Variants in PSORS1C1 observed in about 807,000 individuals in gnomAD.
PSORS1C1 encodes psoriasis susceptibility 1 candidate gene 1 protein.
Under a neutral mutation model 9.4 loss-of-function variants are expected in PSORS1C1, and 7 were observed. The observed-to-expected ratio is 0.75, with a 90% CI of 0.42 to 1.40. PSORS1C1 has a LOEUF of 1.40. Among genes scored for constraint, PSORS1C1 ranks in the 40% most tolerant of loss-of-function variants. PSORS1C1 has a pLI of 0.01. For synonymous variants in PSORS1C1, 63 were observed against 69.4 expected (o/e 0.91, Z 0.46); for missense variants, 146 against 178.1 (o/e 0.82, Z 1.02).
At position 31,126,433 on chromosome 6, in the gene PSORS1C1, T is replaced by C. The variant is rs190485737; in HGVS notation, c.-65+594T>C. Among the ~76,000 whole-genome samples the C allele has an allele frequency of 2.6e-3, 400 of 152,300 alleles. 18 individuals are homozygous for C. In the East Asian group the frequency reaches 0.04, roughly 15 times the overall value. ...CGAGTTGCCCCTAGCTGAGAAGCCC[T>C]GTCCTGGGGCCTGTCCACACCATCC... On this transcript the variant is annotated intron_variant, in intron 2 of 5. Transcript: ENST00000259881.
rs561037129 is a variant in PSORS1C1, at chr6:31,131,845, G to A, written c.13+2200G>A. ...ACCAACAGTGCCCTATGGCACATGC[G>A]CAGTAGAAAGTAGTTGCAATAGTGT... is the stretch of plus-strand genomic sequence containing the variant. On this transcript the variant is annotated intron_variant, in intron 3 of 5. Coordinates refer to ENST00000259881, the MANE Select transcript of PSORS1C1 (RefSeq NM_014068.3). Among the ~76,000 whole-genome samples the A allele has an allele frequency of 4.1e-4, 63 of 152,338 alleles. 2 individuals are homozygous for A. In the South Asian group the frequency reaches 0.012, roughly 29 times the overall value.
In PSORS1C1 at chr6:31,139,900, C is replaced by T. The variant is rs1394878548; in HGVS notation, c.427C>T (p.His143Tyr). The change falls in exon 6 of 6, where the codon CAT becomes TAT. Residue 143 changes from histidine (H) to tyrosine (Y), a missense_variant. His to Tyr is a moderately conservative substitution (Grantham distance 83). Coordinates refer to ENST00000259881, the MANE Select transcript of PSORS1C1 (RefSeq NM_014068.3). This position sits in a 1 kb window ranked among gnomAD's most constrained non-coding sequence, Gnocchi z 5.2. ...PTLLYSSPPS[H>Y]SPFGLSSLI ...TCTATTGTACTCGTCTCCTCCCTCC[C>T]ATTCTCCTTTTGGTCTCAGCTCCTT... 1.2e-6 allele frequency: 2 copies of T among 1,612,960 alleles called. No individual in the cohort carries two copies. Among genetic ancestry groups the T allele is most frequent in the Admixed American group, 1.7e-5 (1 of 60,002 alleles).
intron 3 of PSORS1C1, among the ~76,000 whole-genome samples, chr6:31,130,852 T>C (rs1382286337): frequency 6.6e-6 from 1 of 151,032 alleles, no homozygotes; most frequent in Non-Finnish European, 1.5e-5. Context: ...CTGGCCCTTT[T>C]TTAATTTTAA....
At chr6:31,116,444 A>C (rs368649764) in intron 1 of PSORS1C1, 1 of 1,591,100 alleles carries the variant, frequency 6.3e-7, no homozygotes, top group African/African-American at 1.3e-5. Context: ...GAGGGAGAGC[A>C]GGGTCCCTTG....
intron 3 of PSORS1C1, among the ~76,000 whole-genome samples, chr6:31,133,912 A>G (rs1018880842): frequency 9.2e-5 from 14 of 152,282 alleles, no homozygotes; most frequent in Admixed American, 2.0e-4. Context: ...TACAATTCTT[A>G]TGTGTTCTCA....
rs1773372401 is a variant in PSORS1C1 at position 31,140,079 on chromosome 6, A to G, written c.*147A>G. ...GGTCCGCTACCCCACAGTAAGGAAC[A>G]CCTTATTATGCAATGGCGTGATCTC... On this transcript the variant is annotated 3_prime_UTR_variant, in exon 6 of 6. Transcript: ENST00000259881. The surrounding 1 kb of genome is among the most constrained non-coding windows in gnomAD (Gnocchi z 4.6). 2.7e-6 allele frequency: 2 copies of G among 735,146 alleles called. No individual in the cohort carries two copies. Among genetic ancestry groups the G allele is most frequent in the South Asian group, 3.5e-5 (2 of 57,830 alleles). The allele number at this position is 735,146 out of a possible 1,614,324, so 45.5% of individuals were successfully genotyped here.
chr6:31,120,401 G>T (rs1392348518), intron 1 of PSORS1C1: 2 of 1,590,976 alleles, frequency 1.3e-6, no homozygotes, highest in South Asian at 1.1e-5. Context: ...CCCATCCAGG[G>T]TGCCCGAGAC....
chr6:31,135,411 A>C (rs1296853804), intron 3 of PSORS1C1, among the ~76,000 whole-genome samples: 1 of 151,874 alleles, frequency 6.6e-6, no homozygotes, highest in Non-Finnish European at 1.5e-5. Context: ...GTAGAGACAG[A>C]GTTTCACCAT....
chr6:31,130,418 T>TC (rs1491480532), intron 3 of PSORS1C1, among the ~76,000 whole-genome samples: 1 of 8,854 alleles, frequency 1.1e-4, no homozygotes, highest in East Asian at 0.015. Context: ...TAATTGTTTG[T>TC]TTTTTTTTTT....
intron 1 of PSORS1C1, chr6:31,120,378 C>T: frequency 6.3e-7 from 1 of 1,594,116 alleles, no homozygotes. Flanking sequence ...TCATCCCGTG[C>T]CCACCCACAC....
At chr6:31,138,531 C>T (rs1353150326) in intron 4 of PSORS1C1, 72 bp downstream of exon 4, 3 of 1,605,454 alleles carry the variant, frequency 1.9e-6, no homozygotes, top group Non-Finnish European at 2.6e-6. Flanking sequence ...GAACCGTTCA[C>T]TTGACCCACT....
In PSORS1C1 at chr6:31,138,682, C is replaced by CCCCAGCTCCTTAACACAGAT. The variant is rs1365550326; in HGVS notation, c.80_99dup (p.Glu34LeufsTer38). On this transcript the variant is annotated frameshift_variant, in exon 5 of 6. Coordinates refer to ENST00000259881, the MANE Select transcript of PSORS1C1 (RefSeq NM_014068.3). LOFTEE classifies it high-confidence loss of function. The stretch of plus-strand genomic sequence containing the variant: ...CACACAGACCCCAGCTTTACAAGGA[C>CCCCAGCTCCTTAACACAGAT]CCCAGCTCCTTAACACAGATCCCAG... 2 of 1,612,940 alleles carry CCCCAGCTCCTTAACACAGAT rather than the reference C, an allele frequency of 1.2e-6. No homozygotes were observed. The highest frequency in any genetic ancestry group is 1.7e-6 in the Non-Finnish European group (2 of 1,179,764).
chr6:31,130,109 T>C (rs1267183088), intron 3 of PSORS1C1, among the ~76,000 whole-genome samples: 1 of 150,714 alleles, frequency 6.6e-6, no homozygotes, highest in Non-Finnish European at 1.5e-5. Flanking sequence ...AAAAAATTAA[T>C]TAATTAATTA....
rs575559726 is a variant in PSORS1C1 at position 31,128,503 on chromosome 6, T to A, written c.-64-1066T>A. Among the ~76,000 whole-genome samples the A allele has an allele frequency of 1.4e-4, 21 of 152,120 alleles. No individual in the cohort carries two copies. The highest frequency in any genetic ancestry group is 4.8e-4 in the African/African-American group (20 of 41,470). ...CTGCCCCCATCACAGGAGTTGAGAT[T>A]ATACTGCAAAAGGAAAGGTGGGGAT... On this transcript the variant is annotated intron_variant, in intron 2 of 5. Coordinates refer to ENST00000259881, the MANE Select transcript of PSORS1C1 (RefSeq NM_014068.3). The surrounding 1 kb of genome is among the most constrained non-coding windows in gnomAD (Gnocchi z 4.3).
chr6:31,118,059 G>A (rs140436175), intron 1 of PSORS1C1: 342 of 157,200 alleles, frequency 2.2e-3, no homozygotes, highest in South Asian at 4.1e-3. Flanking sequence ...GAGGAGTCCA[G>A]GCGTAAATTC....
chr6:31,127,771 A>AT (rs1447560943), intron 2 of PSORS1C1, among the ~76,000 whole-genome samples: 2 of 151,770 alleles, frequency 1.3e-5, no homozygotes, highest in Non-Finnish European at 2.9e-5. Context: ...CTGAGATCGC[A>AT]CCACTGCACT....
At chr6:31,126,015 GCT>G (rs984462430) in intron 2 of PSORS1C1, among the ~76,000 whole-genome samples, 176 bp downstream of exon 2, 2 of 151,610 alleles carry the variant, frequency 1.3e-5, no homozygotes, top group African/African-American at 4.9e-5. Flanking sequence ...TGCAAGCACA[GCT>G]CTTATGTGCA....
chr6:31,124,726 C>T (rs1019961156), intron 1 of PSORS1C1, among the ~76,000 whole-genome samples: 3 of 152,186 alleles, frequency 2.0e-5, no homozygotes, highest in African/African-American at 7.2e-5. Flanking sequence ...TCCCAGCACT[C>T]TGGGAGGCCA....
At position 31,128,651 on chromosome 6, in the gene PSORS1C1, C is replaced by A. The variant is rs540458670; in HGVS notation, c.-64-918C>A. On this transcript the variant is annotated intron_variant, in intron 2 of 5. Transcript: ENST00000259881. The surrounding 1 kb of genome is among the most constrained non-coding windows in gnomAD (Gnocchi z 4.3). ...AAGTTTTTTGAGTTTTGATTCAGTG[C>A]CAGGCACCTGGTGGGCACTTAATTA... Among the ~76,000 whole-genome samples, 1 of 152,254 alleles carries A rather than the reference C, an allele frequency of 6.6e-6. No homozygotes were observed. Among genetic ancestry groups the A allele is most frequent in the East Asian group, 1.9e-4 (1 of 5,188 alleles).
Sources: allele counts gnomAD v4.1 joint callset (sites outside exome capture counted in the v4.1 genomes callset), GRCh38; gene constraint gnomAD v4.1.1; non-coding constraint Gnocchi (gnomAD v3.1); transcripts MANE v1.5; gene names NCBI Gene and HGNC (gene_info 2026-07-23, HGNC 2026-07-21).